OSER1: variants seen among roughly 807,000 people sequenced by gnomAD.
OSER1 encodes the protein oxidative stress-responsive serine-rich protein 1.
A neutral mutation model predicts 26.3 loss-of-function variants in OSER1; 15 were observed. That is an observed-to-expected ratio of 0.57 (90% CI 0.38 to 0.88). The LOEUF (loss-of-function observed/expected upper bound fraction) is 0.88. Among genes scored for constraint, OSER1 ranks in the 40% least tolerant of loss-of-function variants. The probability of loss-of-function intolerance (pLI) is 0.00; values close to 1 mark genes in which losing one functional copy is unlikely to be tolerated. For missense variants in OSER1, 313 were observed against 353.9 expected, an observed-to-expected ratio of 0.88 and a Z score of 0.93; for synonymous variants, 127 against 128.2, an observed-to-expected ratio of 0.99 and a Z score of 0.07.
intron 1 of OSER1, among the ~76,000 whole-genome samples, chr20:44,209,367 TA>T (rs770958139): frequency 2.7e-4 from 41 of 152,344 alleles, no homozygotes; most frequent in Non-Finnish European, 5.4e-4. Flanking sequence ...GCGTTAGGCA[TA>T]ACCTTAAGAG....
intron 3 of OSER1, among the ~76,000 whole-genome samples, chr20:44,200,787 C>A (rs1198712972): frequency 6.6e-6 from 1 of 152,104 alleles, no homozygotes; most frequent in African/African-American, 2.4e-5. Context: ...TATAGAATAG[C>A]AAAGACAACA....
chr20:44,195,944 G>A lies in OSER1; in HGVS notation c.*1108C>T, dbSNP rs1038722887. On this transcript the variant is annotated 3_prime_UTR_variant, in exon 4 of 4. Transcript: ENST00000255174. ...ATCAACCACAGCCAGCGCAGTTTTA[G>A]TAAATAGTATAAATGTATTTTGTAA... is the stretch of plus-strand genomic sequence containing the variant. Among the ~76,000 whole-genome samples the A allele has an allele frequency of 1.1e-4, 17 of 152,194 alleles. No homozygotes were observed. Among genetic ancestry groups the A allele is most frequent in the African/African-American group, 3.6e-4 (15 of 41,428 alleles).
intron 2 of OSER1, among the ~76,000 whole-genome samples, chr20:44,204,094 G>A (rs1669934290): frequency 6.6e-6 from 1 of 152,048 alleles, no homozygotes. Flanking sequence ...GGTAAACTGT[G>A]ATTTTTACTT....
intron 2 of OSER1, among the ~76,000 whole-genome samples, chr20:44,203,515 C>T (rs1449058761): frequency 6.6e-6 from 1 of 152,122 alleles, no homozygotes; most frequent in African/African-American, 2.4e-5. Context: ...ACTTTTGCAA[C>T]AAATGAACTT....
intron 3 of OSER1, among the ~76,000 whole-genome samples, chr20:44,202,319 G>A (rs548985653): frequency 6.6e-6 from 1 of 152,180 alleles, no homozygotes; most frequent in South Asian, 2.1e-4. Context: ...AGGGTGCAGT[G>A]AGCTGAGATT....
chr20:44,197,508 A>G lies in OSER1; in HGVS notation c.423T>C (p.Asn141=). ...AAGGCTCAACGACTGCCCCTGTGTG[A>G]TTAGCATCGAGAGAAGTAGAGCTTT... ...AGESSTSLDA[N]HTGAVVEPLR... The change falls in exon 4 of 4, where the codon AAT becomes AAC. Residue 141 remains asparagine (N), a synonymous_variant. Transcript: ENST00000255174. The G allele has an allele frequency of 6.2e-7, 1 of 1,614,152 alleles. No homozygotes were observed. Among genetic ancestry groups the G allele is most frequent in the African/African-American group, 1.3e-5 (1 of 75,050 alleles).
Position 44,196,165 on chromosome 20 carries a change from G to A in OSER1, c.*887C>T, listed in dbSNP as rs1286133343. Among the ~76,000 whole-genome samples the A allele has an allele frequency of 6.6e-6, 1 of 151,888 alleles. No homozygotes were observed. The highest frequency in any genetic ancestry group is 1.5e-5 in the Non-Finnish European group (1 of 67,996). On this transcript the variant is annotated 3_prime_UTR_variant, in exon 4 of 4. Coordinates refer to ENST00000255174, the MANE Select transcript of OSER1 (RefSeq NM_016470.8). ...AACTGGAGGGAATTTTGAAATGGCT[G>A]ACCAAATCTGTGGGATACAGAATGT...
At chr20:44,205,939 CAAAAAAAAAAAA>C (rs3037684) in intron 2 of OSER1, among the ~76,000 whole-genome samples, 78 of 71,714 alleles carry the variant, frequency 1.1e-3, no homozygotes, top group African/African-American at 3.4e-3. Context: ...GAATCCGTCT[CAAAAAAAAAAAA>C]AAAAAAAAAA....
chr20:44,197,823 C>T, intron 3 of OSER1, 84 bp from the exon 4 acceptor site: 1 of 831,972 alleles, frequency 1.2e-6, no homozygotes, highest in Admixed American at 2.6e-5. Flanking sequence ...GGAAATTTAC[C>T]TTCCCTCAGC....
intron 3 of OSER1, among the ~76,000 whole-genome samples, chr20:44,198,731 C>T (rs2072949943): frequency 6.6e-6 from 1 of 152,196 alleles, no homozygotes; most frequent in Non-Finnish European, 1.5e-5. Context: ...AAACAAGACA[C>T]TAAAAAGCTA....
Position 44,196,936 on chromosome 20 carries a change from GCA to G in OSER1, c.*114_*115del. On this transcript the variant is annotated 3_prime_UTR_variant, in exon 4 of 4. Transcript: ENST00000255174. ...ATGCCAAGAAAAGTTTTTATTGCAAGCACAGTGAGCAGAAAGAGATGTCTTCT... is the reference window on the plus strand; with the variant it reads ...ATGCCAAGAAAAGTTTTTATTGCAAGCAGTGAGCAGAAAGAGATGTCTTCT... The G allele has an allele frequency of 7.1e-6, 5 of 708,052 alleles. No individual in the cohort carries two copies. The highest frequency in any genetic ancestry group is 1.2e-5 in the Non-Finnish European group (5 of 413,482). 43.9% of individuals were successfully genotyped at this position (708,052 alleles called of 1,614,324 possible).
chr20:44,198,261 T>G (rs1354636703), intron 3 of OSER1, among the ~76,000 whole-genome samples: 1 of 152,228 alleles, frequency 6.6e-6, no homozygotes, highest in African/African-American at 2.4e-5. Context: ...TAACAATATT[T>G]ACAACCCCTG....
chr20:44,207,796 C>T (rs1156517882), intron 1 of OSER1, among the ~76,000 whole-genome samples: 1 of 152,060 alleles, frequency 6.6e-6, no homozygotes, highest in African/African-American at 2.4e-5. Flanking sequence ...GATCTCTTAA[C>T]TAGTTTGATT....
At chr20:44,207,118 T>G (rs1015517115) in intron 1 of OSER1, 120 bp from the exon 2 acceptor site, 2 of 551,246 alleles carry the variant, frequency 3.6e-6, no homozygotes, top group Non-Finnish European at 6.4e-6. Flanking sequence ...TCAGTGTAGA[T>G]AACTGGAGAC....
chr20:44,197,227 T>C lies in OSER1; in HGVS notation c.704A>G (p.Glu235Gly), dbSNP rs372133376. The C allele has an allele frequency of 3.7e-5, 60 of 1,614,104 alleles. No individual in the cohort carries two copies. The highest frequency in any genetic ancestry group is 5.1e-5 in the Non-Finnish European group (60 of 1,180,022). ...PLAPERRSTL[E>G]DYSQSLHART... ...GGCGTGCAGCGACTGAGAGTAGTCC[T>C]CAAGTGTGGATCTTCGTTCTGGAGC... The change falls in exon 4 of 4, where the codon GAG becomes GGG. Residue 235 changes from glutamate to glycine, a missense_variant. By Grantham distance (98) the Glu-to-Gly change is moderately conservative. Around this residue, in one of 2 missense-constraint regions of OSER1, gnomAD observed 300 missense variants for 318.3 expected, o/e 0.94. Coordinates refer to ENST00000255174, the MANE Select transcript of OSER1 (RefSeq NM_016470.8).
In OSER1 at chr20:44,196,851, C is replaced by T. The variant is rs886549583; in HGVS notation, c.*201G>A. 1.4e-5 allele frequency: 7 copies of T among 515,314 alleles called. No individual in the cohort carries two copies. Among genetic ancestry groups the T allele is most frequent in the East Asian group, 1.2e-4 (4 of 33,294 alleles). 31.9% of individuals were successfully genotyped at this position (515,314 alleles called of 1,614,324 possible). On this transcript the variant is annotated 3_prime_UTR_variant, in exon 4 of 4. Coordinates refer to ENST00000255174, the MANE Select transcript of OSER1 (RefSeq NM_016470.8). Reference sequence around the variant, plus strand: ...AAGGGGGATTTTTCTTTGATCTGCTCGCCTTGAAGTGTATGTAAGAACTCA... The same window carrying T: ...AAGGGGGATTTTTCTTTGATCTGCTTGCCTTGAAGTGTATGTAAGAACTCA...
chr20:44,207,197 T>C (rs953052823), intron 1 of OSER1, 199 bp from the exon 2 acceptor site: 2 of 355,578 alleles, frequency 5.6e-6, no homozygotes, highest in East Asian at 4.7e-5. Context: ...TATGACAGAA[T>C]ATAAACTGTT....
rs1284387868 is a variant in OSER1 at position 44,206,865 on chromosome 20, T to C, written c.77+16A>G. On this transcript the variant is annotated intron_variant, in intron 2 of 3. Coordinates refer to ENST00000255174, the MANE Select transcript of OSER1 (RefSeq NM_016470.8). Reference sequence around the variant, plus strand: ...TAAACAAATAATTCCAAATAATATATTACATATTTAATTACCCTGATGCAT... The same window carrying C: ...TAAACAAATAATTCCAAATAATATACTACATATTTAATTACCCTGATGCAT... 2 of 969,602 alleles carry C rather than the reference T, an allele frequency of 2.1e-6. No homozygotes were observed. Among genetic ancestry groups the C allele is most frequent in the Non-Finnish European group, 3.4e-6 (2 of 595,984 alleles). The allele number at this position is 969,602 out of a possible 1,614,324, so 60.1% of individuals were successfully genotyped here.
At chr20:44,211,569 G>C (rs183233494), upstream of OSER1, among the ~76,000 whole-genome samples, 353 of 152,312 alleles carry the variant, frequency 2.3e-3, no homozygotes, top group Non-Finnish European at 3.4e-3. Flanking sequence ...GGTGAGAACT[G>C]TAGATCCTCT....
Sources: gnomAD v4.1 joint callset for allele counts (sites outside exome capture counted in the v4.1 genomes callset) on GRCh38, gnomAD v4.1.1 for gene constraint, gnomAD v4.1.1 regional missense constraint, MANE v1.5 for transcripts, NCBI Gene and HGNC (gene_info 2026-07-23, HGNC 2026-07-21) for gene names.